Variants in TIPRL observed in about 807,000 individuals in gnomAD.
TIPRL encodes the protein TIP41-like protein.
Under a neutral mutation model 32.3 loss-of-function variants are expected in TIPRL, and 10 were observed. The ratio of observed to expected loss-of-function variants is 0.31; its 90% CI spans 0.19 to 0.52. TIPRL has a LOEUF of 0.52. Ranked by LOEUF, TIPRL falls within the 20% of genes least tolerant of loss-of-function variation. TIPRL has a pLI of 0.96. For synonymous variants in TIPRL, 100 were observed against 114.0 expected (o/e 0.88, Z 0.78); for missense variants, 250 against 328.1 (o/e 0.76, Z 1.84).
intron 5 of TIPRL, among the ~76,000 whole-genome samples, chr1:168,197,901 A>G (rs4534357): frequency 0.28 from 42,872 of 152,058 alleles, 6,763 homozygotes; most frequent in Admixed American, 0.44. Context: ...ATTCTTTTAT[A>G]TAATAATCTA....
intron 3 of TIPRL, among the ~76,000 whole-genome samples, chr1:168,185,879 A>G (rs923042760): frequency 6.6e-6 from 1 of 150,800 alleles, no homozygotes; most frequent in Non-Finnish European, 1.5e-5. Flanking sequence ...GTTCAACACC[A>G]GCCTGGTCAA....
intron 2 of TIPRL, 60 bp from the exon 3 acceptor site, chr1:168,184,719 A>G (rs1329308009): frequency 9.8e-7 from 1 of 1,015,810 alleles, no homozygotes; most frequent in African/African-American, 1.6e-5. Flanking sequence ...GTGATATATA[A>G]ATACAGATAA....
In TIPRL at chr1:168,179,019, T is replaced by C; in HGVS notation, c.-59T>C. 6.7e-7 allele frequency: 1 copy of C among 1,486,808 alleles called. No homozygotes were observed. The highest frequency in any genetic ancestry group is 9.2e-7 in the Non-Finnish European group (1 of 1,082,740). The allele number at this position is 1,486,808 out of a possible 1,614,324, so 92.1% of individuals were successfully genotyped here. ...CCGGAGGGAGGCGGAGGAACCGGTGTTCGCCGCCGCCGCTGCTTCAGCTTA... is the reference window on the plus strand; with the variant it reads ...CCGGAGGGAGGCGGAGGAACCGGTGCTCGCCGCCGCCGCTGCTTCAGCTTA... On this transcript the variant is annotated 5_prime_UTR_variant, in exon 1 of 7. Coordinates refer to ENST00000367833, the MANE Select transcript of TIPRL (RefSeq NM_152902.5).
At chr1:168,191,231 C>A in intron 3 of TIPRL, 138 bp from the exon 4 acceptor site, 1 of 613,814 alleles carries the variant, frequency 1.6e-6, no homozygotes, top group South Asian at 3.8e-5. Context: ...CTACTAATGA[C>A]ACCCAAATTT....
chr1:168,194,592 AAAT>A (rs1486062640), intron 4 of TIPRL, among the ~76,000 whole-genome samples: 1 of 152,228 alleles, frequency 6.6e-6, no homozygotes, highest in Non-Finnish European at 1.5e-5. Flanking sequence ...TAGTAATGTC[AAAT>A]AATAATGATG....
At position 168,200,122 on chromosome 1, in the gene TIPRL, G is replaced by A. The variant is rs963565101; in HGVS notation, c.*76G>A. ...ATTTGTAAGGGGTTATTTTTATTAT[G>A]AGAATTAATTGCCTTGTTTATGTAC... On this transcript the variant is annotated 3_prime_UTR_variant, in exon 7 of 7. Transcript: ENST00000367833. The A allele has an allele frequency of 5.4e-6, 8 of 1,476,476 alleles. No homozygotes were observed. The African/African-American group carries it at 7.1e-5, about 13-fold the overall frequency. 91.5% of individuals were successfully genotyped at this position (1,476,476 alleles called of 1,614,324 possible). A position where few individuals can be genotyped will look rare whatever the true frequency, so the allele number is the denominator to read the frequency against.
At chr1:168,186,233 C>T (rs963281294) in intron 3 of TIPRL, among the ~76,000 whole-genome samples, 20 of 152,150 alleles carry the variant, frequency 1.3e-4, no homozygotes, top group Admixed American at 9.2e-4. Context: ...CAATGGCTCA[C>T]GCCTGTAATC....
At chr1:168,194,912 C>T (rs1385954174) in intron 4 of TIPRL, among the ~76,000 whole-genome samples, 1 of 152,180 alleles carries the variant, frequency 6.6e-6, no homozygotes, top group Non-Finnish European at 1.5e-5. Context: ...AAGATAGTTA[C>T]AAATCCGTTA....
intron 5 of TIPRL, among the ~76,000 whole-genome samples, chr1:168,198,508 A>C (rs1393064899): frequency 6.6e-6 from 1 of 152,198 alleles, no homozygotes; most frequent in Non-Finnish European, 1.5e-5. Context: ...GTTTTGCAAC[A>C]TAAAAGTAGC....
At chr1:168,180,390 G>A (rs758770239) in intron 1 of TIPRL, among the ~76,000 whole-genome samples, 4 of 152,154 alleles carry the variant, frequency 2.6e-5, no homozygotes, top group Non-Finnish European at 5.9e-5. Flanking sequence ...TGAAATGTGA[G>A]GTGGGTATAG....
At chr1:168,195,635 T>TA (rs1700144519) in intron 4 of TIPRL, among the ~76,000 whole-genome samples, 2 of 152,182 alleles carry the variant, frequency 1.3e-5, no homozygotes, top group South Asian at 4.2e-4. Context: ...AGTGCAGTGT[T>TA]ACAATCATGG....
At chr1:168,192,973 A>G (rs775755842) in intron 4 of TIPRL, among the ~76,000 whole-genome samples, 24 of 152,258 alleles carry the variant, frequency 1.6e-4, no homozygotes, top group Non-Finnish European at 3.2e-4. Context: ...AGACCCTAAC[A>G]TCAAACATTG....
chr1:168,192,896 A>ACAAG (rs1169430220), intron 4 of TIPRL, among the ~76,000 whole-genome samples: 1 of 151,784 alleles, frequency 6.6e-6, no homozygotes, highest in African/African-American at 2.4e-5. Context: ...AAACAAACAA[A>ACAAG]CAAACAAACA....
chr1:168,192,841 G>A (rs540275621), intron 4 of TIPRL, among the ~76,000 whole-genome samples: 4 of 150,242 alleles, frequency 2.7e-5, no homozygotes, highest in Admixed American at 1.3e-4. Flanking sequence ...AGCCGAGATC[G>A]TGCCACTGCA....
chr1:168,191,572 T>G (rs1700096547), intron 4 of TIPRL, 72 bp downstream of exon 4: 12 of 1,293,666 alleles, frequency 9.3e-6, no homozygotes, highest in Non-Finnish European at 1.1e-5. Context: ...ATGACTCACT[T>G]TGAATAACAC....
chr1:168,192,885 AAAACAAAC>A (rs34841229), intron 4 of TIPRL, among the ~76,000 whole-genome samples: 1 of 151,414 alleles, frequency 6.6e-6, no homozygotes, highest in South Asian at 2.1e-4. Context: ...ACTCCGTCTC[AAAACAAAC>A]AAACAAACAA....
chr1:168,182,005 A>G (rs1699972320), intron 1 of TIPRL, among the ~76,000 whole-genome samples: 1 of 151,982 alleles, frequency 6.6e-6, no homozygotes, highest in African/African-American at 2.4e-5. Flanking sequence ...TAGAGGTTGC[A>G]GTACGCTGAG....
At chr1:168,181,182 ATTTTC>A (rs1022059384) in intron 1 of TIPRL, among the ~76,000 whole-genome samples, 3 of 147,572 alleles carry the variant, frequency 2.0e-5, no homozygotes, top group East Asian at 2.0e-4. Flanking sequence ...TTTATTTTTA[ATTTTC>A]TTTTCTTTTC....
At chr1:168,189,525 T>C (rs1182299144) in intron 3 of TIPRL, among the ~76,000 whole-genome samples, 1 of 152,156 alleles carries the variant, frequency 6.6e-6, no homozygotes, top group Non-Finnish European at 1.5e-5. Flanking sequence ...TTTGTATTTT[T>C]AGTAGAGATG....
Sources: gnomAD v4.1 joint callset for allele counts (sites outside exome capture counted in the v4.1 genomes callset) on GRCh38, gnomAD v4.1.1 for gene constraint, MANE v1.5 for transcripts, NCBI Gene and HGNC (gene_info 2026-07-23, HGNC 2026-07-21) for gene names.